The following SOS1 variants were observed in gnomAD, a reference collection of about 807,000 sequenced individuals.
SOS1 encodes SOS Ras/Rac guanine nucleotide exchange factor 1.
In SOS1, 25 loss-of-function variants were observed where a neutral mutation model predicts 157.6. The observed-to-expected ratio is 0.16, with a 90% CI of 0.12 to 0.22. The LOEUF (loss-of-function observed/expected upper bound fraction) is 0.22. SOS1 is among the 10% of genes least tolerant of loss of function. The pLI is 1.00. For synonymous variants in SOS1, 528 were observed against 534.0 expected, an observed-to-expected ratio of 0.99 and a Z score of 0.16; for missense variants, 1,237 against 1,599.1, an observed-to-expected ratio of 0.77 and a Z score of 3.86.
intron 1 of SOS1, among the ~76,000 whole-genome samples, chr2:39,094,706 C>T (rs1040301932): frequency 1.3e-5 from 2 of 151,776 alleles, no homozygotes; most frequent in African/African-American, 4.9e-5. Flanking sequence ...GTTCTGAGAC[C>T]GAAAAACTTG....
intron 1 of SOS1, among the ~76,000 whole-genome samples, chr2:39,085,623 G>A (rs1672342677): frequency 6.6e-6 from 1 of 152,106 alleles, no homozygotes; most frequent in Non-Finnish European, 1.5e-5. Flanking sequence ...AATGAATCAC[G>A]TTCCTTGATA....
chr2:39,084,668 G>A (rs1271663437), intron 1 of SOS1, among the ~76,000 whole-genome samples: 2 of 152,172 alleles, frequency 1.3e-5, no homozygotes, highest in Non-Finnish European at 2.9e-5. Context: ...TTACGCCAGT[G>A]TATATATTAG....
intron 1 of SOS1, among the ~76,000 whole-genome samples, chr2:39,100,760 T>G (rs1339547391): frequency 6.6e-6 from 1 of 151,706 alleles, no homozygotes; most frequent in Non-Finnish European, 1.5e-5. Context: ...TACAAAAAAT[T>G]TAAAGAAAAA....
In SOS1 at chr2:39,101,841, A is replaced by C. The variant is rs187205461; in HGVS notation, c.87+18495T>G. 7.4e-3 allele frequency among the ~76,000 whole-genome samples: 1,122 copies of C among 152,236 alleles called. 12 individuals are homozygous for C. Among genetic ancestry groups the C allele is most frequent in the African/African-American group, 0.026 (1,079 of 41,532 alleles). ...ACAGCTTAATGCTACTCACTGCTTG[A>C]GCAAAAGAAAAAATCATTTTTTATG... On this transcript the variant is annotated intron_variant, in intron 1 of 22. Transcript: ENST00000402219.
intron 17 of SOS1, among the ~76,000 whole-genome samples, chr2:39,001,955 C>T (rs1039806619): frequency 1.3e-5 from 2 of 152,230 alleles, no homozygotes; most frequent in African/African-American, 4.8e-5. Context: ...ATAAATCACA[C>T]AGCTCACCTT....
intron 1 of SOS1, among the ~76,000 whole-genome samples, chr2:39,070,067 G>A (rs1671745618): frequency 6.6e-6 from 1 of 151,986 alleles, no homozygotes; most frequent in Non-Finnish European, 1.5e-5. Flanking sequence ...TGAGTTCTGT[G>A]CTCTCCATTC....
chr2:39,011,335 A>T (rs1188348579), intron 14 of SOS1, among the ~76,000 whole-genome samples: 1 of 152,236 alleles, frequency 6.6e-6, no homozygotes, highest in Non-Finnish European at 1.5e-5. Context: ...ATTATTAATA[A>T]ATTAGGGTGA....
At position 39,063,519 on chromosome 2, in the gene SOS1, T is replaced by C. The variant is rs112667185; in HGVS notation, c.213+4109A>G. Among the ~76,000 whole-genome samples the C allele has an allele frequency of 1.9e-3, 292 of 152,346 alleles. 2 individuals are homozygous for C. The highest frequency in any genetic ancestry group is 3.9e-3 in the African/African-American group (162 of 41,586). On this transcript the variant is annotated intron_variant, in intron 2 of 22. Coordinates refer to ENST00000402219, the MANE Select transcript of SOS1 (RefSeq NM_005633.4). Reference sequence around the variant, plus strand: ...CTGCCTGATGGTAAATACTAATATATTGGCAGTACCGATTAGTGATTATTG... The same window carrying C: ...CTGCCTGATGGTAAATACTAATATACTGGCAGTACCGATTAGTGATTATTG...
intron 6 of SOS1, among the ~76,000 whole-genome samples, chr2:39,048,458 T>TG (rs1324219201): frequency 6.6e-6 from 1 of 152,078 alleles, no homozygotes; most frequent in Non-Finnish European, 1.5e-5. Flanking sequence ...TGGAGTACAG[T>TG]GGCATGAACT....
In SOS1 at chr2:38,997,005, T is replaced by C. The variant is rs730881031; in HGVS notation, c.2998A>G (p.Ser1000Gly). 6.2e-7 allele frequency: 1 copy of C among 1,603,542 alleles called. No homozygotes were observed. Among genetic ancestry groups the C allele is most frequent in the Non-Finnish European group, 8.5e-7 (1 of 1,170,850 alleles). The change falls in exon 19 of 23, where the codon AGC becomes GGC. Residue 1000 changes from serine (S) to glycine (G), a missense_variant. Around this residue, in one of 15 missense-constraint regions of SOS1, gnomAD observed 34 missense variants for 28.1 expected, o/e 1.21. Coordinates refer to ENST00000402219, the MANE Select transcript of SOS1 (RefSeq NM_005633.4). ...FFENLNPMGNSMEKEFTDYLF... is the reference protein window; with the variant it reads ...FFENLNPMGNGMEKEFTDYLF... ...TAATCTGTAAATTCCTTCTCCATGC[T>C]ATTTCCCATCGGATTCAAGTTTTCA... is the stretch of plus-strand genomic sequence containing the variant.
intron 1 of SOS1, among the ~76,000 whole-genome samples, chr2:39,089,195 G>A (rs1672490238): frequency 6.6e-6 from 1 of 152,212 alleles, no homozygotes; most frequent in Non-Finnish European, 1.5e-5. Flanking sequence ...GGGAAGAAAC[G>A]AGCAAGAAAG....
At chr2:39,014,388 T>C (rs1229474078) in intron 11 of SOS1, among the ~76,000 whole-genome samples, 1 of 152,048 alleles carries the variant, frequency 6.6e-6, no homozygotes, top group Non-Finnish European at 1.5e-5. Context: ...ACATGAAATA[T>C]TTTCCTTCCA....
At chr2:39,095,507 A>G (rs545852911) in intron 1 of SOS1, among the ~76,000 whole-genome samples, 1 of 152,360 alleles carries the variant, frequency 6.6e-6, no homozygotes, top group East Asian at 1.9e-4. Flanking sequence ...AATGTGGCTC[A>G]TAAGTACCAG....
chr2:39,074,379 C>G (rs1005099316), intron 1 of SOS1, among the ~76,000 whole-genome samples: 1 of 150,344 alleles, frequency 6.7e-6, no homozygotes. Context: ...AAAAATAGAC[C>G]AGCCTGGCCA....
intron 1 of SOS1, among the ~76,000 whole-genome samples, chr2:39,102,773 T>A (rs562860609): frequency 2.0e-4 from 30 of 151,944 alleles, no homozygotes; most frequent in Non-Finnish European, 4.0e-4. Context: ...GGCAAAACCC[T>A]GTCTTACCAA....
chr2:39,023,158 C>T lies in SOS1; in HGVS notation c.1270G>A (p.Glu424Lys), dbSNP rs730881041. 3.7e-6 allele frequency: 6 copies of T among 1,613,052 alleles called. No individual in the cohort carries two copies. Among genetic ancestry groups the T allele is most frequent in the Non-Finnish European group, 5.1e-6 (6 of 1,179,366 alleles). Reference protein sequence around the residue: ...GKQLAIKKMNEIQKNIDGWEG... With the variant: ...GKQLAIKKMNKIQKNIDGWEG... ...CAACCATCAATATTCTTCTGAATCT[C>T]GTTCATCTTCTTGATTGCTAGTTGT... Residue 424 changes from glutamate to lysine, a missense_variant, in exon 10 of 23, where the codon GAG becomes AAG. Physicochemically the swap from Glu to Lys is moderately conservative, Grantham distance 56. Transcript: ENST00000402219.
chr2:39,086,183 A>G (rs1365466793), intron 1 of SOS1, among the ~76,000 whole-genome samples: 1 of 152,220 alleles, frequency 6.6e-6, no homozygotes, highest in Non-Finnish European at 1.5e-5. Context: ...GTGGTTCGGA[A>G]AAGATTAAAG....
chr2:39,104,075 A>G (rs1036311668), intron 1 of SOS1, among the ~76,000 whole-genome samples: 2 of 152,142 alleles, frequency 1.3e-5, no homozygotes, highest in Non-Finnish European at 2.9e-5. Context: ...TGAGGTCAGG[A>G]GTTCTAGACC....
At chr2:39,088,590 T>C (rs943364825) in intron 1 of SOS1, among the ~76,000 whole-genome samples, 1 of 152,228 alleles carries the variant, frequency 6.6e-6, no homozygotes, top group Admixed American at 6.5e-5. Context: ...TTTGTCCTTT[T>C]ATTTTTGGCT....
Sources: allele counts gnomAD v4.1 joint callset (sites outside exome capture counted in the v4.1 genomes callset), GRCh38; gene constraint gnomAD v4.1.1; regional missense constraint gnomAD v4.1.1; transcripts MANE v1.5; gene names NCBI Gene and HGNC (gene_info 2026-07-23, HGNC 2026-07-21).